ERC2: variants seen among roughly 807,000 people sequenced by gnomAD.
ERC2 encodes ERC protein 2.
ERC2 carries 42 observed loss-of-function variants against 114.8 expected under a neutral mutation model. The observed-to-expected ratio is 0.37, with a 90% CI of 0.29 to 0.47. The LOEUF is 0.47. Among genes scored for constraint, ERC2 ranks in the 20% least tolerant of loss-of-function variants. The pLI is 0.99. For missense variants in ERC2, 939 were observed against 1,150.7 expected (o/e 0.82, Z 2.66); for synonymous variants, 454 against 425.5 (o/e 1.07, Z -0.82).
chr3:55,748,011 C>G (rs748115103), intron 14 of ERC2, among the ~76,000 whole-genome samples: 1 of 152,170 alleles, frequency 6.6e-6, no homozygotes, highest in Admixed American at 6.5e-5. Flanking sequence ...AACCTGAAAC[C>G]AGACAGCAGC....
chr3:56,217,827 T>C (rs1489108064), intron 3 of ERC2, among the ~76,000 whole-genome samples: 1 of 152,060 alleles, frequency 6.6e-6, no homozygotes, highest in Non-Finnish European at 1.5e-5. Context: ...CCCTCAGAAA[T>C]AATGCCACGT....
chr3:55,760,583 T>A (rs549926952), intron 14 of ERC2, among the ~76,000 whole-genome samples: 1 of 152,322 alleles, frequency 6.6e-6, no homozygotes, highest in Admixed American at 6.5e-5. Context: ...ACAATTAATA[T>A]GTTGCTTTGC....
chr3:55,950,157 T>C (rs2149443423), intron 13 of ERC2, among the ~76,000 whole-genome samples: 3 of 152,360 alleles, frequency 2.0e-5, no homozygotes, highest in Middle Eastern at 6.8e-3. Context: ...ACTATATAAA[T>C]GCAGCCCTTA....
In ERC2 at chr3:55,888,447, G is replaced by A; in HGVS notation, c.2506C>T (p.His836Tyr). 1.2e-6 allele frequency: 2 copies of A among 1,613,868 alleles called. No homozygotes were observed. Among genetic ancestry groups the A allele is most frequent in the Non-Finnish European group, 1.7e-6 (2 of 1,179,850 alleles). ...TQQSLAEKEA[H>Y]LANLRIERRK... Reference sequence around the variant, plus strand: ...CTCTCAATCCGGAGGTTGGCCAAGTGCGCTTCTTTTTCGGCCAGGGACTGT... The same window carrying A: ...CTCTCAATCCGGAGGTTGGCCAAGTACGCTTCTTTTTCGGCCAGGGACTGT... Residue 836 changes from histidine (H) to tyrosine (Y), a missense_variant, in exon 14 of 18, where the codon CAC (histidine) becomes TAC (tyrosine). Physicochemically the swap from His to Tyr is moderately conservative, Grantham distance 83. Transcript: ENST00000288221.
chr3:55,908,036 T>C (rs137997110), intron 13 of ERC2, among the ~76,000 whole-genome samples: 3 of 152,220 alleles, frequency 2.0e-5, no homozygotes, highest in African/African-American at 7.2e-5. Flanking sequence ...TGATAGCGTT[T>C]AAATGACAGG....
At chr3:56,245,375 G>A (rs2051611074) in intron 3 of ERC2, among the ~76,000 whole-genome samples, 1 of 151,882 alleles carries the variant, frequency 6.6e-6, no homozygotes, top group African/African-American at 2.4e-5. Context: ...TACAGAAGGG[G>A]CCCAGTATAT....
intron 14 of ERC2, among the ~76,000 whole-genome samples, chr3:55,808,701 T>TTTTATATATATATA (rs1358189450): frequency 1.6e-5 from 1 of 61,738 alleles, no homozygotes; most frequent in Non-Finnish European, 2.9e-5. Flanking sequence ...TACCATAATT[T>TTTTATATATATATA]TATATATATA....
chr3:56,370,350 C>T (rs576999213), intron 2 of ERC2, among the ~76,000 whole-genome samples: 13 of 152,118 alleles, frequency 8.5e-5, no homozygotes, highest in Admixed American at 2.6e-4. Flanking sequence ...TGCATTGCTC[C>T]GGATTTCTTG....
At chr3:56,361,189 T>C (rs186076941) in intron 2 of ERC2, among the ~76,000 whole-genome samples, 84 of 152,068 alleles carry the variant, frequency 5.5e-4, no homozygotes, top group African/African-American at 2.0e-3. Flanking sequence ...AAGAGGTGGG[T>C]GAGGCAGCTG....
chr3:55,702,892 A>C (rs2063300561), intron 15 of ERC2, among the ~76,000 whole-genome samples: 1 of 152,194 alleles, frequency 6.6e-6, no homozygotes, highest in Non-Finnish European at 1.5e-5. Context: ...ACAGCATAGC[A>C]CTTAGGAACT....
rs1024680398 is a variant in ERC2 at position 56,031,264 on chromosome 3, C to G, written c.1642-12233G>C. Among the ~76,000 whole-genome samples the G allele has an allele frequency of 6.9e-4, 105 of 152,214 alleles. 1 individual carries two copies. The highest frequency in any genetic ancestry group is 2.4e-4 in the Non-Finnish European group (16 of 68,040). ...CTGTGGACCCCAACCCAAGCTGATC[C>G]CCATGGACATAAGATCCAGTCCCAC... On this transcript the variant is annotated intron_variant, in intron 7 of 17. Coordinates refer to ENST00000288221, the MANE Select transcript of ERC2 (RefSeq NM_015576.3).
chr3:55,678,418 T>C (rs1435411112), intron 17 of ERC2, among the ~76,000 whole-genome samples: 3 of 152,186 alleles, frequency 2.0e-5, no homozygotes, highest in Non-Finnish European at 2.9e-5. Flanking sequence ...CAAGAGCCAA[T>C]GGCAACTTCC....
intron 14 of ERC2, among the ~76,000 whole-genome samples, chr3:55,738,463 T>C (rs2065777769): frequency 1.3e-5 from 2 of 152,178 alleles, no homozygotes; most frequent in Non-Finnish European, 2.9e-5. Flanking sequence ...AGCAGGTACA[T>C]GGTTCAAAAT....
chr3:55,701,422 C>T (rs1319948876), intron 15 of ERC2, among the ~76,000 whole-genome samples: 4 of 152,080 alleles, frequency 2.6e-5, no homozygotes, highest in Non-Finnish European at 4.4e-5. Context: ...CCATAAAATG[C>T]TTTGATTCTG....
intron 14 of ERC2, among the ~76,000 whole-genome samples, chr3:55,737,444 G>T (rs1461273132): frequency 6.6e-6 from 1 of 152,274 alleles, no homozygotes; most frequent in African/African-American, 2.4e-5. Context: ...AGCTGAAGAG[G>T]CTATACAGAC....
chr3:56,303,977 A>G (rs2056065549), intron 2 of ERC2, among the ~76,000 whole-genome samples: 1 of 152,236 alleles, frequency 6.6e-6, no homozygotes, highest in African/African-American at 2.4e-5. Context: ...TCCACGAGTG[A>G]TGGCCATATG....
intron 17 of ERC2, among the ~76,000 whole-genome samples, chr3:55,654,213 G>T (rs2060764449): frequency 6.6e-6 from 1 of 152,156 alleles, no homozygotes; most frequent in South Asian, 2.1e-4. Context: ...TGTCTAGCAG[G>T]GCCACCCATG....
At chr3:55,755,863 T>G (rs1313619828) in intron 14 of ERC2, among the ~76,000 whole-genome samples, 3 of 152,222 alleles carry the variant, frequency 2.0e-5, no homozygotes, top group African/African-American at 7.2e-5. Flanking sequence ...CAGAGTCACC[T>G]TCTCTGTTTC....
intron 13 of ERC2, among the ~76,000 whole-genome samples, chr3:55,941,611 C>CT (rs1469051344): frequency 6.6e-6 from 1 of 152,170 alleles, no homozygotes; most frequent in Non-Finnish European, 1.5e-5. Context: ...GGGAACACAA[C>CT]TGAAGACATT....
Sources: gnomAD v4.1 joint callset for allele counts (sites outside exome capture counted in the v4.1 genomes callset) on GRCh38, gnomAD v4.1.1 for gene constraint, MANE v1.5 for transcripts, NCBI Gene and HGNC (gene_info 2026-07-23, HGNC 2026-07-21) for gene names.